SETX: variants seen among roughly 807,000 people sequenced by gnomAD.
SETX encodes senataxin, also known as helicase senataxin.
Under a neutral mutation model 227.2 loss-of-function variants are expected in SETX, and 90 were observed. That is an observed-to-expected ratio of 0.40 (90% CI 0.33 to 0.47). SETX has a LOEUF of 0.47. SETX is among the 20% of genes least tolerant of loss of function. The pLI is 0.91. For synonymous variants in SETX, 1,210 were observed against 1,113.2 expected (o/e 1.09, Z -1.73); for missense variants, 3,052 against 3,181.5 (o/e 0.96, Z 0.98).
chr9:132,313,932 T>G (rs202052366), intron 10 of SETX, among the ~76,000 whole-genome samples: 38,661 of 100,816 alleles, frequency 0.38, 6,288 homozygotes, highest in East Asian at 0.72. Context: ...GTTTTTTGGT[T>G]TTTTTTTTTG....
chr9:132,319,482 T>C (rs1846195882), intron 10 of SETX, among the ~76,000 whole-genome samples: 1 of 152,200 alleles, frequency 6.6e-6, no homozygotes, highest in Admixed American at 6.5e-5. Flanking sequence ...CTCTCATTTC[T>C]CCAATCTTAT....
In SETX at chr9:132,329,715, C is replaced by T; in HGVS notation, c.1883G>A (p.Gly628Glu). The T allele has an allele frequency of 3.1e-6, 5 of 1,614,064 alleles. No homozygotes were observed. The highest frequency in any genetic ancestry group is 4.2e-6 in the Non-Finnish European group (5 of 1,180,010). Residue 628 changes from glycine to glutamate, a missense_variant, in exon 10 of 26, where the codon GGG becomes GAG. Gly to Glu is a moderately conservative substitution (Grantham distance 98). Coordinates refer to ENST00000224140, the MANE Select transcript of SETX (RefSeq NM_015046.7). Reference sequence around the variant, plus strand: ...ATGCATATCTTTTCTAGACGTCTTCCCCATTTGTTCACTTTCTTCTTTATT... The same window carrying T: ...ATGCATATCTTTTCTAGACGTCTTCTCCATTTGTTCACTTTCTTCTTTATT... ...SYNKEESEQM[G>E]KTSRKDMHCL...
At chr9:132,353,609 C>T (rs1848718044) in intron 2 of SETX, 40 bp downstream of exon 2, 1 of 141,572 alleles carries the variant, frequency 7.1e-6, no homozygotes, top group Non-Finnish European at 1.6e-5. Context: ...TTGCACTTAC[C>T]TTGGTGCTCT....
chr9:132,270,174 G>T (rs556320598), intron 24 of SETX, among the ~76,000 whole-genome samples: 343 of 145,056 alleles, frequency 2.4e-3, no homozygotes, highest in Non-Finnish European at 4.1e-3. Flanking sequence ...TGAGACACAG[G>T]TGGACTCTAG....
intron 15 of SETX, among the ~76,000 whole-genome samples, chr9:132,293,385 AAG>A (rs1192291579): frequency 6.6e-6 from 1 of 152,086 alleles, no homozygotes; most frequent in African/African-American, 2.4e-5. Context: ...AAAAGAAAAA[AAG>A]GTCTCTGTAC....
intron 5 of SETX, among the ~76,000 whole-genome samples, chr9:132,338,119 T>A (rs1589765720): frequency 7.6e-6 from 1 of 131,692 alleles, no homozygotes; most frequent in East Asian, 2.1e-4. Flanking sequence ...TGAGACAGAG[T>A]CTTACTCTAT....
rs773538015 is a variant in SETX at position 132,327,528 on chromosome 9, T to C, written c.4070A>G (p.Lys1357Arg). The C allele has an allele frequency of 6.2e-7, 1 of 1,614,078 alleles. No homozygotes were observed. The highest frequency in any genetic ancestry group is 1.1e-5 in the South Asian group (1 of 91,082). Residue 1357 changes from lysine to arginine, a missense_variant, in exon 10 of 26, where the codon AAA becomes AGA. This residue lies in a region of SETX where 1,483 missense variants were observed against 1,312.0 expected (regional missense o/e 1.13). Transcript: ENST00000224140. ...AAGTCTTCGTCTATTTTTTTGTGAT[T>C]TGGGTCTGATCTGCCTTTGCATCTG... ...ELQMQRQIRP[K>R]SQKNRRRLSD...
At chr9:132,284,394 TG>T (rs1235466542) in intron 18 of SETX, among the ~76,000 whole-genome samples, 4 of 152,342 alleles carry the variant, frequency 2.6e-5, no homozygotes, top group African/African-American at 9.6e-5. Context: ...AATGAAAATA[TG>T]CATTAAATTC....
At chr9:132,335,122 G>A (rs1473696980) in intron 6 of SETX, among the ~76,000 whole-genome samples, 2 of 152,004 alleles carry the variant, frequency 1.3e-5, no homozygotes, top group Non-Finnish European at 2.9e-5. Context: ...CGGGCGTGGT[G>A]GCTCACACCT....
chr9:132,287,030 A>G (rs573823657), intron 17 of SETX, among the ~76,000 whole-genome samples: 3 of 152,208 alleles, frequency 2.0e-5, no homozygotes, highest in Admixed American at 6.5e-5. Flanking sequence ...ACAGAAAAAC[A>G]AATTATGGAG....
chr9:132,337,503 A>G (rs1419103591), intron 5 of SETX, among the ~76,000 whole-genome samples: 1 of 152,164 alleles, frequency 6.6e-6, no homozygotes, highest in Non-Finnish European at 1.5e-5. Context: ...ATTATTTTAC[A>G]AAATACATTA....
chr9:132,264,854 G>T lies in SETX; in HGVS notation c.7419C>A (p.Leu2473=). 6.2e-7 allele frequency: 1 copy of T among 1,614,180 alleles called. No homozygotes were observed. Among genetic ancestry groups the T allele is most frequent in the Non-Finnish European group, 8.5e-7 (1 of 1,180,028 alleles). ...LKLKPVLQRS[L]THPPTIAPEG... ...CTGGGGCTATGGTAGGAGGGTGAGT[G>T]AGACTTCTCTGCAGCACAGGCTTGA... The change falls in exon 26 of 26, where the codon CTC becomes CTA. Residue 2473 remains leucine, a synonymous_variant. Coordinates refer to ENST00000224140, the MANE Select transcript of SETX (RefSeq NM_015046.7).
chr9:132,271,258 A>G (rs1842887950), intron 24 of SETX, among the ~76,000 whole-genome samples: 1 of 150,312 alleles, frequency 6.7e-6, no homozygotes. Flanking sequence ...ACACTATGAA[A>G]TGGGTTAATA....
chr9:132,270,392 T>A (rs57468429), intron 24 of SETX, among the ~76,000 whole-genome samples: 1 of 146,676 alleles, frequency 6.8e-6, no homozygotes, highest in East Asian at 2.0e-4. Context: ...CTAGAATGAC[T>A]CAGCATGCCA....
intron 11 of SETX, among the ~76,000 whole-genome samples, chr9:132,303,262 ATC>A (rs1436868545): frequency 6.7e-6 from 1 of 149,078 alleles, no homozygotes; most frequent in Non-Finnish European, 1.5e-5. Flanking sequence ...GCCTGAAGTG[ATC>A]TTCCTGTTTT....
chr9:132,295,689 A>ACCTGGCACAGGC (rs141484261), intron 15 of SETX, among the ~76,000 whole-genome samples, 183 bp downstream of exon 15: 38 of 152,342 alleles, frequency 2.5e-4, no homozygotes, highest in African/African-American at 9.1e-4. Context: ...AAACCTCAGT[A>ACCTGGCACAGGC]CCTGGCACAG....
In SETX at chr9:132,302,524, G is replaced by A. The variant is rs564805250; in HGVS notation, c.5375-1721C>T. Among the ~76,000 whole-genome samples the A allele has an allele frequency of 2.8e-3, 422 of 151,634 alleles. 4 individuals carry two copies. Among genetic ancestry groups the A allele is most frequent in the Non-Finnish European group, 5.5e-3 (376 of 67,866 alleles). ...AAAATACAAAAATTAGCCAGGCGTC[G>A]TGGCAGGCGCCTGTAATCCCAGCTA... On this transcript the variant is annotated intron_variant, in intron 11 of 25. Coordinates refer to ENST00000224140, the MANE Select transcript of SETX (RefSeq NM_015046.7).
chr9:132,277,156 TA>T lies in SETX; in HGVS notation c.6843-5del, dbSNP rs34769225. ...ACATCGAATGGCTTCTGTCTGTCTG[TA>T]AAAAAAAAAAAGCAGTCAACATTCA... On this transcript the variant is annotated splice_region_variant and splice_polypyrimidine_tract_variant and intron_variant, in intron 21 of 25. Transcript: ENST00000224140. 179,674 of 1,221,612 alleles carry T rather than the reference TA, an allele frequency of 0.15. No homozygotes were observed. Among genetic ancestry groups the T allele is most frequent in the Admixed American group, 0.16 (7,528 of 47,086 alleles). 75.7% of individuals were successfully genotyped at this position (1,221,612 alleles called of 1,614,324 possible).
At chr9:132,297,360 C>G (rs953060176) in intron 13 of SETX, among the ~76,000 whole-genome samples, 1 of 152,086 alleles carries the variant, frequency 6.6e-6, no homozygotes, top group African/African-American at 2.4e-5. Context: ...TTTACTAATC[C>G]ACAACTTTTC....
Sources: gnomAD v4.1 joint callset for allele counts (sites outside exome capture counted in the v4.1 genomes callset) on GRCh38, gnomAD v4.1.1 for gene constraint, gnomAD v4.1.1 regional missense constraint, MANE v1.5 for transcripts, NCBI Gene and HGNC (gene_info 2026-07-23, HGNC 2026-07-21) for gene names.